The following DGKB variants were observed in gnomAD, a reference collection of about 807,000 sequenced individuals.
The protein encoded by DGKB is 90 kDa diacylglycerol kinase.
DGKB carries 67 observed loss-of-function variants against 114.3 expected under a neutral mutation model. The ratio of observed to expected loss-of-function variants is 0.59; its 90% CI spans 0.48 to 0.72. DGKB has a LOEUF of 0.72. Ranked by LOEUF, DGKB falls within the 30% of genes least tolerant of loss-of-function variation. The pLI is 0.00. For synonymous variants in DGKB, 398 were observed against 323.1 expected, an observed-to-expected ratio of 1.23 and a Z score of -2.49; for missense variants, 907 against 975.2, an observed-to-expected ratio of 0.93 and a Z score of 0.93.
chr7:14,472,385 A>G (rs985753819), intron 21 of DGKB, among the ~76,000 whole-genome samples: 1 of 152,150 alleles, frequency 6.6e-6, no homozygotes, highest in African/African-American at 2.4e-5. Flanking sequence ...ATCCACGTAC[A>G]ATGTGACTTG....
intron 23 of DGKB, among the ~76,000 whole-genome samples, chr7:14,269,532 T>C (rs1019437221): frequency 3.3e-4 from 50 of 152,202 alleles, no homozygotes; most frequent in African/African-American, 1.2e-3. Flanking sequence ...GCTATATTCT[T>C]ACATTTATCT....
intron 14 of DGKB, among the ~76,000 whole-genome samples, chr7:14,623,695 C>A (rs1808055614): frequency 6.6e-6 from 1 of 152,012 alleles, no homozygotes; most frequent in Admixed American, 6.6e-5. Context: ...AAATTCAAGT[C>A]GTTTGGAAAG....
intron 1 of DGKB, among the ~76,000 whole-genome samples, chr7:14,944,664 A>G (rs958385480): frequency 6.6e-6 from 1 of 150,988 alleles, no homozygotes; most frequent in African/African-American, 2.4e-5. Context: ...TCTGGAGACA[A>G]TTTTGATCAT....
rs1464041430 is a variant in DGKB at position 14,682,604 on chromosome 7, A to C, written c.984T>G (p.Val328=). Residue 328 remains valine, a synonymous_variant, in exon 12 of 26, where the codon GTT becomes GTG. Coordinates refer to ENST00000402815, the MANE Select transcript of DGKB (RefSeq NM_001350709.2). ...PTKCDKCHKT[V]KCYQGLTGLH... ...GTCCTGTCAGGCCCTGGTAACATTTAACAGTTTTGTGGCACTTATCACACT... is the reference window on the plus strand; with the variant it reads ...GTCCTGTCAGGCCCTGGTAACATTTCACAGTTTTGTGGCACTTATCACACT... 1.2e-6 allele frequency: 2 copies of C among 1,613,510 alleles called. No homozygotes were observed. Among genetic ancestry groups the C allele is most frequent in the East Asian group, 4.5e-5 (2 of 44,870 alleles).
intron 21 of DGKB, among the ~76,000 whole-genome samples, chr7:14,423,568 TA>T (rs1827054311): frequency 1.3e-5 from 2 of 152,094 alleles, no homozygotes; most frequent in Non-Finnish European, 2.9e-5. Context: ...TAGTAGTTCA[TA>T]AAATTGGTTT....
At chr7:14,735,948 T>C (rs1831645894) in intron 5 of DGKB, 93 bp downstream of exon 5, 6 of 787,510 alleles carry the variant, frequency 7.6e-6, no homozygotes, top group Non-Finnish European at 1.1e-5. Flanking sequence ...AAACAATTTT[T>C]ATGCAAATCA....
chr7:14,758,977 T>C (rs1437717785), intron 2 of DGKB, among the ~76,000 whole-genome samples: 1 of 150,814 alleles, frequency 6.6e-6, no homozygotes, highest in South Asian at 2.1e-4. Flanking sequence ...CAGGCTGGAG[T>C]GCAATGGCAC....
intron 25 of DGKB, among the ~76,000 whole-genome samples, chr7:14,163,330 G>A (rs2128226910): frequency 6.6e-6 from 1 of 152,156 alleles, no homozygotes; most frequent in Admixed American, 6.5e-5. Context: ...GCAGTAAATT[G>A]TGTTGTCAAT....
intron 1 of DGKB, among the ~76,000 whole-genome samples, chr7:14,852,361 A>G (rs551564719): frequency 6.6e-6 from 1 of 151,742 alleles, no homozygotes; most frequent in South Asian, 2.1e-4. Context: ...CATATTGTTT[A>G]TCAATTCTCA....
chr7:14,430,076 G>C (rs1384255991), intron 21 of DGKB, among the ~76,000 whole-genome samples: 1 of 152,100 alleles, frequency 6.6e-6, no homozygotes, highest in Non-Finnish European at 1.5e-5. Context: ...TCTTTCACAG[G>C]AAATATGTTT....
intron 2 of DGKB, among the ~76,000 whole-genome samples, chr7:14,798,307 G>A (rs1473115402): frequency 2.6e-5 from 4 of 152,040 alleles, no homozygotes; most frequent in African/African-American, 7.2e-5. Flanking sequence ...GTTTCCTATC[G>A]CTATCAATAA....
intron 1 of DGKB, among the ~76,000 whole-genome samples, chr7:14,933,504 A>G (rs1785133152): frequency 6.6e-6 from 1 of 152,144 alleles, no homozygotes; most frequent in African/African-American, 2.4e-5. Flanking sequence ...TGACATTTGT[A>G]TCTCTCTTCT....
chr7:14,534,060 A>G (rs1016977695), intron 20 of DGKB, among the ~76,000 whole-genome samples: 1 of 152,206 alleles, frequency 6.6e-6, no homozygotes, highest in Non-Finnish European at 1.5e-5. Flanking sequence ...AATACTAGTA[A>G]AAAATTAAGA....
At chr7:14,373,837 C>T (rs1818065026) in intron 21 of DGKB, among the ~76,000 whole-genome samples, 1 of 152,020 alleles carries the variant, frequency 6.6e-6, no homozygotes, top group Non-Finnish European at 1.5e-5. Context: ...TGGGCCCGTG[C>T]TTTCATTTTT....
chr7:14,689,310 A>G (rs1266124260), intron 9 of DGKB, among the ~76,000 whole-genome samples: 1 of 143,314 alleles, frequency 7.0e-6, no homozygotes, highest in African/African-American at 2.6e-5. Context: ...GGTTCGTGCC[A>G]TTCTCCTGCC....
At chr7:14,941,973 G>A (rs568766345) in intron 1 of DGKB, among the ~76,000 whole-genome samples, 11 of 151,946 alleles carry the variant, frequency 7.2e-5, no homozygotes, top group Admixed American at 4.6e-4. Flanking sequence ...TTGCTTATTG[G>A]TTCATAAACC....
intron 15 of DGKB, among the ~76,000 whole-genome samples, chr7:14,619,324 C>T (rs193109074): frequency 6.7e-4 from 101 of 151,566 alleles, no homozygotes; most frequent in Non-Finnish European, 1.2e-3. Flanking sequence ...GAATGTTAAT[C>T]ATCTAAGATT....
chr7:14,392,115 C>G (rs921605213), intron 21 of DGKB, among the ~76,000 whole-genome samples: 4 of 152,108 alleles, frequency 2.6e-5, no homozygotes, highest in African/African-American at 9.7e-5. Context: ...CAAAATGTAT[C>G]TATCTCTTAC....
At chr7:14,968,265 G>C (rs1787276566) in intron 1 of DGKB, among the ~76,000 whole-genome samples, 1 of 151,330 alleles carries the variant, frequency 6.6e-6, no homozygotes, top group Non-Finnish European at 1.5e-5. Context: ...TTTTAAATTA[G>C]TTTCTAACTT....
Sources: allele counts gnomAD v4.1 joint callset (sites outside exome capture counted in the v4.1 genomes callset), GRCh38; gene constraint gnomAD v4.1.1; transcripts MANE v1.5; gene names NCBI Gene and HGNC (gene_info 2026-07-23, HGNC 2026-07-21).